Variants in NUP155 observed in about 807,000 individuals in gnomAD.
NUP155 encodes nucleoporin 155.
NUP155 carries 71 observed loss-of-function variants against 180.4 expected under a neutral mutation model. That is an observed-to-expected ratio of 0.39 (90% CI 0.33 to 0.48). The LOEUF is 0.48. Among genes scored for constraint, NUP155 ranks in the 20% least tolerant of loss-of-function variants. The pLI, the probability that NUP155 is intolerant of heterozygous loss-of-function variation, is 0.91. For synonymous variants in NUP155, 582 were observed against 559.5 expected (o/e 1.04, Z -0.57); for missense variants, 1,553 against 1,648.9 (o/e 0.94, Z 1.01).
chr5:37,335,841 A>G (rs1191942051), intron 12 of NUP155, among the ~76,000 whole-genome samples: 3 of 152,062 alleles, frequency 2.0e-5, no homozygotes, highest in African/African-American at 7.2e-5. Context: ...AGTCCCAGCT[A>G]CATGGCGGGG....
In NUP155 at chr5:37,331,693, A is replaced by G. The variant is rs75255795; in HGVS notation, c.1621T>C (p.Leu541=). The G allele has an allele frequency of 5.4e-3, 8,531 of 1,579,328 alleles. 39 individuals are homozygous for G. Among genetic ancestry groups the G allele is most frequent in the Non-Finnish European group, 6.4e-3 (7,319 of 1,151,400 alleles). Residue 541 remains leucine, a synonymous_variant, in exon 14 of 35, where the codon TTA becomes CTA. Transcript: ENST00000231498. ...AAAGTATATATAATTACCTGATGTA[A>G]TTTAAAGAATCTTTCAATCTCTTCT... ...DGEEIERFFK[L]HQEDQACATC...
At chr5:37,296,466 C>CGCTTGAAGGCATG (rs1554124144) in intron 32 of NUP155, among the ~76,000 whole-genome samples, 77 of 151,668 alleles carry the variant, frequency 5.1e-4, no homozygotes, top group African/African-American at 1.8e-3. Flanking sequence ...GTTAAACAGA[C>CGCTTGAAGGCATG]GCTTGAAGGC....
chr5:37,326,924 C>A (rs553035074), intron 18 of NUP155, among the ~76,000 whole-genome samples: 1 of 152,114 alleles, frequency 6.6e-6, no homozygotes, highest in Non-Finnish European at 1.5e-5. Context: ...TTTTTCCCAC[C>A]TATGCTACCC....
intron 30 of NUP155, among the ~76,000 whole-genome samples, chr5:37,300,637 A>G (rs531958089): frequency 3.3e-5 from 5 of 152,076 alleles, no homozygotes; most frequent in Non-Finnish European, 5.9e-5. Context: ...GAGGCCATAA[A>G]TAAGATGGTT....
intron 13 of NUP155, among the ~76,000 whole-genome samples, chr5:37,332,769 G>A (rs1279538729): frequency 6.6e-6 from 1 of 151,932 alleles, no homozygotes; most frequent in Non-Finnish European, 1.5e-5. Flanking sequence ...GACGAGCCTG[G>A]GCTTTAGTGA....
At chr5:37,368,173 T>A (rs113444593) in intron 1 of NUP155, among the ~76,000 whole-genome samples, 2 of 147,694 alleles carry the variant, frequency 1.4e-5, no homozygotes, top group Non-Finnish European at 3.0e-5. Flanking sequence ...AGGTCCCAAA[T>A]TGCTAGGATT....
intron 4 of NUP155, among the ~76,000 whole-genome samples, chr5:37,353,439 G>A (rs147253681): frequency 6.3e-4 from 96 of 152,026 alleles, no homozygotes; most frequent in Non-Finnish European, 1.2e-3. Flanking sequence ...AAAATTAGCC[G>A]AGTGTGGTGG....
chr5:37,323,562 A>G (rs1279532317), intron 20 of NUP155, among the ~76,000 whole-genome samples: 1 of 151,212 alleles, frequency 6.6e-6, no homozygotes, highest in Non-Finnish European at 1.5e-5. Flanking sequence ...ATATTTCTAT[A>G]TTCCATTTAT....
chr5:37,302,686 C>G (rs1742927560), intron 29 of NUP155, 93 bp downstream of exon 29: 6 of 1,266,968 alleles, frequency 4.7e-6, no homozygotes, highest in Non-Finnish European at 6.9e-6. Flanking sequence ...AATGACTTCT[C>G]AGACCTATTA....
At chr5:37,362,108 G>C (rs1747259645) in intron 3 of NUP155, among the ~76,000 whole-genome samples, 1 of 152,106 alleles carries the variant, frequency 6.6e-6, no homozygotes, top group Non-Finnish European at 1.5e-5. Flanking sequence ...ATGGTATTCT[G>C]TTTTAGCAGC....
chr5:37,297,909 T>C (rs1238956919), intron 32 of NUP155, among the ~76,000 whole-genome samples: 2 of 149,370 alleles, frequency 1.3e-5, no homozygotes, highest in Non-Finnish European at 3.0e-5. Context: ...AGAGATGGTC[T>C]GTAAACAAGT....
intron 9 of NUP155, among the ~76,000 whole-genome samples, chr5:37,344,535 A>T (rs1284068705): frequency 6.6e-6 from 1 of 151,178 alleles, no homozygotes; most frequent in Admixed American, 6.6e-5. Flanking sequence ...GTTTTATATT[A>T]AAGAGACTAA....
intron 25 of NUP155, among the ~76,000 whole-genome samples, chr5:37,307,006 T>C (rs927230828): frequency 1.3e-5 from 2 of 151,298 alleles, no homozygotes; most frequent in African/African-American, 4.9e-5. Context: ...AAGACCAGCC[T>C]GGCCAAAATG....
intron 1 of NUP155, 173 bp downstream of exon 1, chr5:37,370,648 G>A: frequency 6.4e-7 from 1 of 1,568,174 alleles, no homozygotes; most frequent in South Asian, 1.2e-5. Context: ...AATGAAGAAA[G>A]TGAGGAAAGG....
At chr5:37,300,911 C>A (rs772920088) in intron 30 of NUP155, 11 of 164,288 alleles carry the variant, frequency 6.7e-5, no homozygotes, top group Non-Finnish European at 1.3e-4. Context: ...GAAACCCCCA[C>A]CTCCTGGGTT....
intron 3 of NUP155, among the ~76,000 whole-genome samples, chr5:37,361,916 T>A (rs900711880): frequency 6.6e-6 from 1 of 152,140 alleles, no homozygotes; most frequent in African/African-American, 2.4e-5. Context: ...AGGGTATATC[T>A]CATGAATGGG....
chr5:37,320,988 A>G (rs938568600), intron 20 of NUP155, among the ~76,000 whole-genome samples: 3 of 152,212 alleles, frequency 2.0e-5, no homozygotes, highest in Non-Finnish European at 4.4e-5. Context: ...ATCCAATACA[A>G]TAAGGAAATG....
At chr5:37,365,951 G>A (rs913582897) in intron 1 of NUP155, among the ~76,000 whole-genome samples, 10 of 151,634 alleles carry the variant, frequency 6.6e-5, no homozygotes, top group Non-Finnish European at 1.5e-4. Flanking sequence ...ATGACTGGGG[G>A]AAAATACTGC....
At chr5:37,329,724 A>G (rs1458252735) in intron 15 of NUP155, among the ~76,000 whole-genome samples, 1 of 152,248 alleles carries the variant, frequency 6.6e-6, no homozygotes, top group Non-Finnish European at 1.5e-5. Context: ...CATATTAAGC[A>G]GAATTGGCAT....
Sources: gnomAD v4.1 joint callset for allele counts (sites outside exome capture counted in the v4.1 genomes callset) on GRCh38, gnomAD v4.1.1 for gene constraint, MANE v1.5 for transcripts, NCBI Gene and HGNC (gene_info 2026-07-23, HGNC 2026-07-21) for gene names.